Variants in MAPT observed in about 807,000 individuals in gnomAD.
MAPT encodes microtubule-associated protein tau.
A neutral mutation model predicts 67.9 loss-of-function variants in MAPT; 34 were observed. The observed-to-expected ratio is 0.50, with a 90% CI of 0.38 to 0.67. The LOEUF is 0.67. Among genes scored for constraint, MAPT ranks in the 30% least tolerant of loss-of-function variants. MAPT has a pLI of 0.00. For missense variants in MAPT, 881 were observed against 1,115.2 expected (o/e 0.79, Z 2.99); for synonymous variants, 456 against 464.5 (o/e 0.98, Z 0.23).
At chr17:46,019,823 C>T (rs144046331) in intron 12 of MAPT, among the ~76,000 whole-genome samples, 106 of 151,498 alleles carry the variant, frequency 7.0e-4, no homozygotes, top group African/African-American at 2.4e-3. Flanking sequence ...ACCAGCCTGG[C>T]CAACATGGTA....
Position 46,024,389 on chromosome 17 carries a change from G to A in MAPT, c.*218G>A. 1 of 596,430 alleles carries A rather than the reference G, an allele frequency of 1.7e-6. No individual in the cohort carries two copies. Among genetic ancestry groups the A allele is most frequent in the Non-Finnish European group, 3.0e-6 (1 of 334,430 alleles). 36.9% of individuals were successfully genotyped at this position (596,430 alleles called of 1,614,324 possible). A position where few individuals can be genotyped will look rare whatever the true frequency, so the allele number is the denominator to read the frequency against. ...GCAAATTTCATCTTTCCAAATTGAT[G>A]GGTGGGCTAGTAATAAAATATTTAA... is the stretch of plus-strand genomic sequence containing the variant. On this transcript the variant is annotated 3_prime_UTR_variant, in exon 13 of 13. Coordinates refer to ENST00000262410, the MANE Select transcript of MAPT (RefSeq NM_001377265.1).
chr17:45,996,599 C>G lies in MAPT; in HGVS notation c.1933C>G (p.Leu645Val). The G allele has an allele frequency of 6.2e-7, 1 of 1,614,002 alleles. No individual in the cohort carries two copies. The highest frequency in any genetic ancestry group is 1.1e-5 in the South Asian group (1 of 91,072). ...GACAGCCCCCGTGCCCATGCCAGAC[C>G]TGAAGAATGTCAAGTCCAAGATCGG... ...LQTAPVPMPDLKNVKSKIGST... is the reference protein window; with the variant it reads ...LQTAPVPMPDVKNVKSKIGST... Residue 645 changes from leucine (L) to valine (V), a missense_variant, in exon 9 of 13, where the codon CTG becomes GTG. Physicochemically the swap from Leu to Val is conservative, Grantham distance 32. Around this residue, in one of 6 missense-constraint regions of MAPT, gnomAD observed 45 missense variants for 43.2 expected, o/e 1.04. Transcript: ENST00000262410. The surrounding 1 kb of genome is among the most constrained non-coding windows in gnomAD (Gnocchi z 4.5).
intron 11 of MAPT, 126 bp downstream of exon 11, chr17:46,014,450 G>A (rs1173330811): frequency 1.1e-5 from 8 of 752,242 alleles, no homozygotes; most frequent in South Asian, 1.5e-5. Context: ...CCTACATCAA[G>A]GAAAGTGTTG....
intron 8 of MAPT, chr17:45,993,822 G>A: frequency 8.1e-7 from 1 of 1,235,764 alleles, no homozygotes; most frequent in South Asian, 1.3e-5. Context: ...TCAGAATGGG[G>A]CCCCTGCTGG....
In MAPT at chr17:45,919,579, G is replaced by T. The variant is rs141559696; in HGVS notation, c.-18+24893G>T. Among the ~76,000 whole-genome samples, 3 of 152,218 alleles carry T rather than the reference G, an allele frequency of 2.0e-5. No individual in the cohort carries two copies. In the South Asian group the frequency reaches 6.2e-4, roughly 31 times the overall value. ...TCCCTACCTTCCCCCACTGCTGGGC[G>T]CAGAGTGGAGGCAGATGAGGTTTAA... On this transcript the variant is annotated intron_variant, in intron 1 of 12. Coordinates refer to ENST00000262410, the MANE Select transcript of MAPT (RefSeq NM_001377265.1).
At chr17:45,954,923 G>A (rs1243287002) in intron 1 of MAPT, among the ~76,000 whole-genome samples, 1 of 152,166 alleles carries the variant, frequency 6.6e-6, no homozygotes, top group African/African-American at 2.4e-5. Flanking sequence ...GGTGGAGCTT[G>A]CAGTGAGCCG....
At position 46,026,549 on chromosome 17, in the gene MAPT, G is replaced by A. The variant is rs2076813328; in HGVS notation, c.*2378G>A. 1 of 148,146 alleles carries A rather than the reference G, an allele frequency of 6.8e-6. No individual in the cohort carries two copies. Among genetic ancestry groups the A allele is most frequent in the Non-Finnish European group, 1.5e-5 (1 of 65,176 alleles). 9.2% of individuals were successfully genotyped at this position (148,146 alleles called of 1,614,324 possible). On this transcript the variant is annotated 3_prime_UTR_variant, in exon 13 of 13. Coordinates refer to ENST00000262410, the MANE Select transcript of MAPT (RefSeq NM_001377265.1). ...GGGATCTGCAGCTCCCAGAAGCTCCGTGAGCCTCAGCCACCCCTCAGACTG... is the reference window on the plus strand; with the variant it reads ...GGGATCTGCAGCTCCCAGAAGCTCCATGAGCCTCAGCCACCCCTCAGACTG...
chr17:45,990,408 G>A (rs2073967100), intron 7 of MAPT: 3 of 444,966 alleles, frequency 6.7e-6, no homozygotes, highest in South Asian at 5.8e-5. Flanking sequence ...GAGATCAGGA[G>A]TTCGAGACCA....
At chr17:46,005,724 C>G (rs1282327451) in intron 9 of MAPT, among the ~76,000 whole-genome samples, 1 of 152,224 alleles carries the variant, frequency 6.6e-6, no homozygotes, top group Non-Finnish European at 1.5e-5. Context: ...TGTGAGAAAG[C>G]CTGTCCCACC....
In MAPT at chr17:45,925,741, A is replaced by T. The variant is rs149100897; in HGVS notation, c.-18+31055A>T. ...AGAACTGTATATTTAGCATAATCTT[A>T]ACTATGTTTTAGAATGCACAGGAAA... On this transcript the variant is annotated intron_variant, in intron 1 of 12. Transcript: ENST00000262410. 3.1e-3 allele frequency among the ~76,000 whole-genome samples: 473 copies of T among 151,892 alleles called. 3 individuals carry two copies. Among genetic ancestry groups the T allele is most frequent in the East Asian group, 0.01 (53 of 5,192 alleles).
intron 9 of MAPT, among the ~76,000 whole-genome samples, chr17:46,000,986 G>A (rs138538686): frequency 0.015 from 2,335 of 152,270 alleles, 27 homozygotes; most frequent in Non-Finnish European, 0.027. Flanking sequence ...CCCAACACCT[G>A]GGGAGGCCAA....
At chr17:45,974,742 A>G (rs1163712972) in intron 3 of MAPT, 1 of 483,218 alleles carries the variant, frequency 2.1e-6, no homozygotes, top group Non-Finnish European at 3.8e-6. Flanking sequence ...CGTCAGTTCC[A>G]GAGACTTCTC....
At chr17:45,952,857 G>A (rs2069224639) in intron 1 of MAPT, among the ~76,000 whole-genome samples, 1 of 151,968 alleles carries the variant, frequency 6.6e-6, no homozygotes, top group Non-Finnish European at 1.5e-5. Flanking sequence ...GACATCTCAA[G>A]TAAAAAGTTG....
Position 46,024,959 on chromosome 17 carries a change from T to A in MAPT, c.*788T>A, listed in dbSNP as rs1331821899. On this transcript the variant is annotated 3_prime_UTR_variant, in exon 13 of 13. Transcript: ENST00000262410. ...CAGCGGGTAAAAAGAGAAGGCAAGCTGGCAGGAGGGTGGCACTTCGTGGAT... is the reference window on the plus strand; with the variant it reads ...CAGCGGGTAAAAAGAGAAGGCAAGCAGGCAGGAGGGTGGCACTTCGTGGAT... The A allele has an allele frequency of 6.5e-6, 1 of 153,264 alleles. No individual in the cohort carries two copies. The highest frequency in any genetic ancestry group is 1.5e-5 in the Non-Finnish European group (1 of 68,828). The allele number at this position is 153,264 out of a possible 1,614,324, so 9.5% of individuals were successfully genotyped here.
At chr17:46,009,158 TCA>T (rs1227995563) in intron 9 of MAPT, among the ~76,000 whole-genome samples, 3 of 151,978 alleles carry the variant, frequency 2.0e-5, no homozygotes, top group Non-Finnish European at 1.5e-5. Context: ...CGTGATGGTG[TCA>T]CTGCACTCCA....
intron 10 of MAPT, 143 bp from the exon 11 acceptor site, chr17:46,014,100 C>T: frequency 1.4e-6 from 1 of 694,190 alleles, no homozygotes; most frequent in Non-Finnish European, 2.6e-6. Context: ...CTGGGAACCA[C>T]TGTCCAATAA....
At chr17:45,946,706 A>T (rs1216905544) in intron 1 of MAPT, among the ~76,000 whole-genome samples, 1 of 151,158 alleles carries the variant, frequency 6.6e-6, no homozygotes, top group Non-Finnish European at 1.5e-5. Flanking sequence ...AGCATGACAG[A>T]TTTACAAGCA....
chr17:45,934,305 CT>C (rs1447258736), intron 1 of MAPT, among the ~76,000 whole-genome samples: 1 of 152,122 alleles, frequency 6.6e-6, no homozygotes, highest in African/African-American at 2.4e-5. Context: ...CGCCACTGCC[CT>C]CTAGCCTGGC....
chr17:45,982,340 G>A (rs1266589595), intron 4 of MAPT, among the ~76,000 whole-genome samples: 1 of 122,918 alleles, frequency 8.1e-6, no homozygotes, highest in Non-Finnish European at 1.7e-5. Flanking sequence ...AAAAAGGGGT[G>A]GGGGGCGGGG....
Sources: gnomAD v4.1 joint callset for allele counts (sites outside exome capture counted in the v4.1 genomes callset) on GRCh38, gnomAD v4.1.1 for gene constraint, gnomAD v4.1.1 regional missense constraint, Gnocchi (gnomAD v3.1) non-coding constraint, MANE v1.5 for transcripts, NCBI Gene and HGNC (gene_info 2026-07-23, HGNC 2026-07-21) for gene names.